SSTR5: variants seen among roughly 807,000 people sequenced by gnomAD.
SSTR5 encodes the protein somatostatin receptor type 5.
SSTR5 carries 1 observed loss-of-function variant against 0.3 expected under a neutral mutation model. The observed-to-expected ratio is 2.98, with a 90% CI of 1.06 to 14.15. The LOEUF is 14.15. Ranked by LOEUF, SSTR5 falls within the 30% of genes most tolerant of loss-of-function variation. SSTR5 has a pLI of 0.12. For missense variants in SSTR5, 516 were observed against 543.2 expected, an observed-to-expected ratio of 0.95 and a Z score of 0.50; for synonymous variants, 256 against 263.1, an observed-to-expected ratio of 0.97 and a Z score of 0.26.
intron 1 of SSTR5, among the ~76,000 whole-genome samples, chr16:1,076,934 G>A (rs545946563): frequency 1.3e-5 from 2 of 152,224 alleles, no homozygotes; most frequent in South Asian, 2.1e-4. Context: ...GGATCCATGG[G>A]TCCACTGGCC....
At chr16:1,077,863 C>T (rs1052540555) in intron 1 of SSTR5, 1 of 152,494 alleles carries the variant, frequency 6.6e-6, no homozygotes, top group African/African-American at 2.4e-5. Flanking sequence ...CCCCTCCCTC[C>T]CCTCCCCCAA....
rs771552355 is a variant in SSTR5 at position 1,079,832 on chromosome 16, C to T, written c.964C>T (p.Arg322Cys). 3.8e-5 allele frequency: 62 copies of T among 1,611,966 alleles called. No homozygotes were observed. The highest frequency in any genetic ancestry group is 4.7e-5 in the Non-Finnish European group (55 of 1,179,816). ...RQSFQKVLCL[R>C]KGSGAKDADA... ...GAGCTTCCAGAAGGTTCTGTGCCTCCGCAAGGGCTCTGGTGCCAAGGACGC... is the reference window on the plus strand; with the variant it reads ...GAGCTTCCAGAAGGTTCTGTGCCTCTGCAAGGGCTCTGGTGCCAAGGACGC... The change falls in exon 2 of 2, where the codon CGC (arginine) becomes TGC (cysteine). Residue 322 changes from arginine to cysteine, a missense_variant. Transcript: ENST00000689027.
In SSTR5 at chr16:1,081,094, C is replaced by T. The variant is rs547142152; in HGVS notation, c.*1131C>T. On this transcript the variant is annotated 3_prime_UTR_variant, in exon 2 of 2. Transcript: ENST00000689027. ...CTCCCACCTAGAATTGTCCTACCTC[C>T]CCCACCCCAAACACCAGCTTTTCCT... 1.5e-5 allele frequency: 7 copies of T among 470,430 alleles called. No individual in the cohort carries two copies. Among genetic ancestry groups the T allele is most frequent in the South Asian group, 1.1e-4 (7 of 64,488 alleles). 29.1% of individuals were successfully genotyped at this position (470,430 alleles called of 1,614,324 possible). A position where few individuals can be genotyped will look rare whatever the true frequency, so the allele number is the denominator to read the frequency against.
chr16:1,080,168 G>T lies in SSTR5; in HGVS notation c.*205G>T. The T allele has an allele frequency of 2.9e-6, 2 of 689,024 alleles. No individual in the cohort carries two copies. The highest frequency in any genetic ancestry group is 4.7e-6 in the Non-Finnish European group (2 of 427,596). The allele number at this position is 689,024 out of a possible 1,614,324, so 42.7% of individuals were successfully genotyped here. A position where few individuals can be genotyped will look rare whatever the true frequency, so the allele number is the denominator to read the frequency against. On this transcript the variant is annotated 3_prime_UTR_variant, in exon 2 of 2. Coordinates refer to ENST00000689027, the MANE Select transcript of SSTR5 (RefSeq NM_001172560.3). ...CCCCTCTAACCGTCTGCCACACAGC[G>T]GGGGCTCCCGGGAGGTAGGGGAGGT...
At position 1,080,479 on chromosome 16, in the gene SSTR5, G is replaced by A. The variant is rs560736165; in HGVS notation, c.*516G>A. On this transcript the variant is annotated 3_prime_UTR_variant, in exon 2 of 2. Coordinates refer to ENST00000689027, the MANE Select transcript of SSTR5 (RefSeq NM_001172560.3). ...TCCCTGGCCAGGGCCCCAGCCCCTCGCTTGCCCTGCACTGTGTGGACTCTG... is the reference window on the plus strand; with the variant it reads ...TCCCTGGCCAGGGCCCCAGCCCCTCACTTGCCCTGCACTGTGTGGACTCTG... Among the ~76,000 whole-genome samples, 1 of 152,230 alleles carries A rather than the reference G, an allele frequency of 6.6e-6. No individual in the cohort carries two copies. The highest frequency in any genetic ancestry group is 1.5e-5 in the Non-Finnish European group (1 of 68,020).
chr16:1,074,159 ACAGGT>A (rs1005764953), intron 1 of SSTR5, among the ~76,000 whole-genome samples: 3 of 152,176 alleles, frequency 2.0e-5, no homozygotes, highest in African/African-American at 7.2e-5. Context: ...GACAGAGGAA[ACAGGT>A]CAGAACGCTT....
At chr16:1,078,354 C>G in intron 1 of SSTR5, 2 of 166,694 alleles carry the variant, frequency 1.2e-5, no homozygotes, top group Non-Finnish European at 2.6e-5. Flanking sequence ...AGGTGCCATT[C>G]ATCCCAGGCG....
At chr16:1,076,433 CTGTCTCTCTGGCTGG>C (rs1193361211) in intron 1 of SSTR5, among the ~76,000 whole-genome samples, 18 of 149,620 alleles carry the variant, frequency 1.2e-4, no homozygotes, top group African/African-American at 3.2e-4. Context: ...GGAATCCGTC[CTGTCTCTCTGGCTGG>C]TGTCTCTCTG....
Position 1,079,993 on chromosome 16 carries a change from G to A in SSTR5, c.*30G>A. On this transcript the variant is annotated 3_prime_UTR_variant, in exon 2 of 2. Transcript: ENST00000689027. ...GCAGGCGGGGGGTGGGCGGCCCCGT[G>A]TCACCCCCAGGAGCGGAGGTTGCAC... The A allele has an allele frequency of 6.4e-7, 1 of 1,565,394 alleles. No homozygotes were observed. Among genetic ancestry groups the A allele is most frequent in the Non-Finnish European group, 8.6e-7 (1 of 1,157,632 alleles).
chr16:1,079,922 C>A lies in SSTR5; in HGVS notation c.1054C>A (p.Arg352Ser). Residue 352 changes from arginine to serine, a missense_variant, in exon 2 of 2, where the codon CGC (arginine) becomes AGC (serine). Transcript: ENST00000689027. ...QQQEATPPAH[R>S]AAANGLMQTS... ...GCAGGAGGCCACGCCACCCGCGCAC[C>A]GCGCCGCAGCCAACGGGCTTATGCA... The A allele has an allele frequency of 6.2e-7, 1 of 1,605,380 alleles. No homozygotes were observed. Among genetic ancestry groups the A allele is most frequent in the Admixed American group, 1.7e-5 (1 of 59,238 alleles).
intron 1 of SSTR5, among the ~76,000 whole-genome samples, chr16:1,076,543 A>T (rs619698): frequency 1.8e-4 from 27 of 150,812 alleles, no homozygotes; most frequent in African/African-American, 6.6e-4. Flanking sequence ...CGCTCCCAGA[A>T]GGGATCCTGT....
intron 1 of SSTR5, among the ~76,000 whole-genome samples, chr16:1,076,902 G>A (rs745478662): frequency 2.4e-4 from 37 of 152,140 alleles, no homozygotes; most frequent in Non-Finnish European, 3.4e-4. Context: ...CTGTTTGCTC[G>A]TTATTTTTAT....
At chr16:1,074,110 C>A (rs1238858061) in intron 1 of SSTR5, among the ~76,000 whole-genome samples, 1 of 152,196 alleles carries the variant, frequency 6.6e-6, no homozygotes, top group Non-Finnish European at 1.5e-5. Flanking sequence ...CAGAGCTGGA[C>A]CCCAAGGGGG....
At chr16:1,074,087 T>C (rs530563799) in intron 1 of SSTR5, among the ~76,000 whole-genome samples, 32 of 152,284 alleles carry the variant, frequency 2.1e-4, no homozygotes, top group African/African-American at 7.5e-4. Context: ...AGGGGTGCCA[T>C]TGGCTGCACT....
chr16:1,077,085 T>C (rs956834790), intron 1 of SSTR5, among the ~76,000 whole-genome samples: 3 of 152,206 alleles, frequency 2.0e-5, no homozygotes, highest in Admixed American at 6.5e-5. Context: ...TCCCCAGCTC[T>C]CCTTTCCTTG....
At chr16:1,075,859 C>CCTCTCCCT (rs1271510476) in intron 1 of SSTR5, among the ~76,000 whole-genome samples, 1 of 135,732 alleles carries the variant, frequency 7.4e-6, no homozygotes, top group East Asian at 2.3e-4. Flanking sequence ...TCTCCCTCTC[C>CCTCTCCCT]CTCCCTCCCT....
At position 1,079,453 on chromosome 16, in the gene SSTR5, G is replaced by A. The variant is rs1960304130; in HGVS notation, c.585G>A (p.Gly195=). 1 of 1,607,888 alleles carries A rather than the reference G, an allele frequency of 6.2e-7. No individual in the cohort carries two copies. The highest frequency in any genetic ancestry group is 2.2e-5 in the East Asian group (1 of 44,740). The change falls in exon 2 of 2, where the codon GGG becomes GGA. Residue 195 remains glycine (G), a synonymous_variant. Coordinates refer to ENST00000689027, the MANE Select transcript of SSTR5 (RefSeq NM_001172560.3). ...ACGCCAGCTGGCCGGAGCCCGTGGG[G>A]CTGTGGGGCGCCGTCTTCATCATCT... ...TCNASWPEPV[G]LWGAVFIIYT... is the part of the protein sequence containing the mutation.
chr16:1,075,932 A>C (rs566976199), intron 1 of SSTR5, among the ~76,000 whole-genome samples: 31 of 20,196 alleles, frequency 1.5e-3, no homozygotes, highest in Admixed American at 2.5e-3. Flanking sequence ...CTCTCCCCCC[A>C]CCCTGTCTTT....
chr16:1,077,327 A>G (rs1031197415), intron 1 of SSTR5, among the ~76,000 whole-genome samples: 1 of 152,176 alleles, frequency 6.6e-6, no homozygotes, highest in Non-Finnish European at 1.5e-5. Flanking sequence ...TCTGGATCCT[A>G]GGGGACACTT....
Sources: allele counts gnomAD v4.1 joint callset (sites outside exome capture counted in the v4.1 genomes callset), GRCh38; gene constraint gnomAD v4.1.1; transcripts MANE v1.5; gene names NCBI Gene and HGNC (gene_info 2026-07-23, HGNC 2026-07-21).